CTH: variants seen among roughly 807,000 people sequenced by gnomAD.
CTH encodes cystathionase (cystathionine gamma-lyase).
A neutral mutation model predicts 50.6 loss-of-function variants in CTH; 41 were observed. The observed-to-expected ratio is 0.81, with a 90% CI of 0.63 to 1.05. The LOEUF is 1.05. Ranked by LOEUF, CTH falls within the 50% of genes least tolerant of loss-of-function variation. The pLI, the probability that CTH is intolerant of heterozygous loss-of-function variation, is 0.00. For synonymous variants in CTH, 156 were observed against 168.9 expected (o/e 0.92, Z 0.59); for missense variants, 470 against 492.6 (o/e 0.95, Z 0.43).
At chr1:70,414,695 G>T (rs1275924669) in intron 1 of CTH, among the ~76,000 whole-genome samples, 9 of 152,128 alleles carry the variant, frequency 5.9e-5, no homozygotes, top group African/African-American at 2.2e-4. Flanking sequence ...TTCACAATCC[G>T]GTTTTGACAC....
intron 5 of CTH, among the ~76,000 whole-genome samples, chr1:70,426,590 T>C (rs1684351166): frequency 6.6e-6 from 1 of 152,248 alleles, no homozygotes. Context: ...TTTCCTTTCC[T>C]GAAGCACACT....
Position 70,434,072 on chromosome 1 carries a change from T to C in CTH, c.999+123T>C, listed in dbSNP as rs561318537. On this transcript the variant is annotated intron_variant, in intron 9 of 11. Transcript: ENST00000370938. ...TGCAGGTTACACTCATAAACCTCTTTATCATGAAATGCATTGGGTTGAAAA... is the reference window on the plus strand; with the variant it reads ...TGCAGGTTACACTCATAAACCTCTTCATCATGAAATGCATTGGGTTGAAAA... 5.6e-5 allele frequency: 84 copies of C among 1,505,458 alleles called. No individual in the cohort carries two copies. In the African/African-American group the frequency reaches 8.4e-4, roughly 15 times the overall value. 93.3% of individuals were successfully genotyped at this position (1,505,458 alleles called of 1,614,324 possible). A position where few individuals can be genotyped will look rare whatever the true frequency, so the allele number is the denominator to read the frequency against.
intron 1 of CTH, 136 bp downstream of exon 1, chr1:70,411,719 A>G: frequency 7.0e-7 from 1 of 1,434,920 alleles, no homozygotes. Context: ...TCTACACTGT[A>G]ATTCTTGCAG....
chr1:70,429,242 A>T (rs1684412925), intron 5 of CTH, among the ~76,000 whole-genome samples: 1 of 152,214 alleles, frequency 6.6e-6, no homozygotes, highest in Non-Finnish European at 1.5e-5. Flanking sequence ...TTTTTTACCC[A>T]TGGTTGGTTG....
rs745821907 is a variant in CTH at position 70,422,358 on chromosome 1, G to A, written c.456+683G>A. 1.3e-5 allele frequency among the ~76,000 whole-genome samples: 2 copies of A among 152,186 alleles called. 1 individual carries two copies. Among genetic ancestry groups the A allele is most frequent in the Admixed American group, 1.3e-4 (2 of 15,278 alleles). ...TTTCTTGGGACCTTATTTAAATTCT[G>A]TGTGGATAAAAGAAGGACCAGTGTC... On this transcript the variant is annotated intron_variant, in intron 4 of 11. Transcript: ENST00000370938.
chr1:70,411,270 C>G lies in CTH; in HGVS notation c.-146C>G, dbSNP rs901518751. 10 of 820,230 alleles carry G rather than the reference C, an allele frequency of 1.2e-5. No individual in the cohort carries two copies. The highest frequency in any genetic ancestry group is 4.0e-5 in the South Asian group (3 of 74,362). 50.8% of individuals were successfully genotyped at this position (820,230 alleles called of 1,614,324 possible). A position where few individuals can be genotyped will look rare whatever the true frequency, so the allele number is the denominator to read the frequency against. ...ATCCACCCCAACAATCGCTGTGTGCCGCTTTAGTGCGCTCGCCGTCGGCTC... is the reference window on the plus strand; with the variant it reads ...ATCCACCCCAACAATCGCTGTGTGCGGCTTTAGTGCGCTCGCCGTCGGCTC... On this transcript the variant is annotated 5_prime_UTR_variant, in exon 1 of 12. Coordinates refer to ENST00000370938, the MANE Select transcript of CTH (RefSeq NM_001902.6).
intron 5 of CTH, 27 bp downstream of exon 5, chr1:70,424,443 C>T (rs1684301180): frequency 6.2e-7 from 1 of 1,613,014 alleles, no homozygotes; most frequent in Admixed American, 1.7e-5. Context: ...TTTTTTGGCA[C>T]AATTAGTAGA....
chr1:70,430,848 A>T (rs892563296), intron 7 of CTH: 3 of 151,118 alleles, frequency 2.0e-5, no homozygotes, highest in East Asian at 4.0e-4. Flanking sequence ...TGGCCAAAAA[A>T]ATTTTTTCTG....
At chr1:70,420,529 C>T (rs938731839) in intron 3 of CTH, among the ~76,000 whole-genome samples, 8 of 152,140 alleles carry the variant, frequency 5.3e-5, no homozygotes, top group Non-Finnish European at 1.2e-4. Context: ...TGACAGGAGA[C>T]TGAGCTCAGG....
chr1:70,434,030 G>C (rs1684542651), intron 9 of CTH, 81 bp downstream of exon 9: 1 of 1,592,360 alleles, frequency 6.3e-7, no homozygotes, highest in Non-Finnish European at 8.5e-7. Flanking sequence ...ACTCAAGCCA[G>C]ATAATGTTTT....
At chr1:70,432,669 G>A (rs929169026) in intron 8 of CTH, among the ~76,000 whole-genome samples, 23 of 142,166 alleles carry the variant, frequency 1.6e-4, no homozygotes, top group African/African-American at 5.3e-4. Context: ...TTCCCCTGAG[G>A]TTCTCTCTCT....
intron 1 of CTH, among the ~76,000 whole-genome samples, chr1:70,415,370 C>T (rs1436689585): frequency 6.6e-6 from 1 of 151,944 alleles, no homozygotes; most frequent in Non-Finnish European, 1.5e-5. Context: ...CCCCACCGTA[C>T]TCTAGCCTGG....
intron 8 of CTH, among the ~76,000 whole-genome samples, chr1:70,432,622 G>T (rs941444337): frequency 1.3e-5 from 2 of 151,038 alleles, no homozygotes; most frequent in Non-Finnish European, 2.9e-5. Flanking sequence ...TCTGATAGAG[G>T]TTTGTCCCAG....
intron 1 of CTH, among the ~76,000 whole-genome samples, chr1:70,413,266 T>A (rs955399511): frequency 1.3e-5 from 2 of 151,546 alleles, no homozygotes; most frequent in African/African-American, 2.4e-5. Context: ...TTTCTTTTTT[T>A]TTTTTTTTTA....
At chr1:70,433,196 T>A (rs1251264692) in intron 8 of CTH, among the ~76,000 whole-genome samples, 2 of 152,196 alleles carry the variant, frequency 1.3e-5, no homozygotes, top group Non-Finnish European at 2.9e-5. Flanking sequence ...AAATTAAGAC[T>A]GGAATTTCAC....
At chr1:70,434,834 C>T (rs1415848792) in intron 9 of CTH, 2 of 291,116 alleles carry the variant, frequency 6.9e-6, no homozygotes, top group Non-Finnish European at 1.3e-5. Flanking sequence ...CTCACTGCAA[C>T]CTCCACCTCC....
Position 70,416,055 on chromosome 1 carries a change from C to T in CTH, c.250+18C>T. 2 of 1,353,588 alleles carry T rather than the reference C, an allele frequency of 1.5e-6. No individual in the cohort carries two copies. The highest frequency in any genetic ancestry group is 2.1e-6 in the Non-Finnish European group (2 of 942,188). The allele number at this position is 1,353,588 out of a possible 1,614,324, so 83.8% of individuals were successfully genotyped here. On this transcript the variant is annotated intron_variant, in intron 2 of 11. Coordinates refer to ENST00000370938, the MANE Select transcript of CTH (RefSeq NM_001902.6). Reference sequence around the variant, plus strand: ...TAAGTACTGTAAGTAATTTCCATTTCACAGTCTAGAATCTATTTTTAAATG... The same window carrying T: ...TAAGTACTGTAAGTAATTTCCATTTTACAGTCTAGAATCTATTTTTAAATG...
chr1:70,436,063 C>T (rs2101760336), intron 10 of CTH, among the ~76,000 whole-genome samples: 2 of 152,168 alleles, frequency 1.3e-5, no homozygotes, highest in Middle Eastern at 3.4e-3. Context: ...GCCTGCAATT[C>T]CAGTACTTTG....
Position 70,433,220 on chromosome 1 carries a change from A to G in CTH, c.878-608A>G, listed in dbSNP as rs991942016. On this transcript the variant is annotated intron_variant, in intron 8 of 11. Transcript: ENST00000370938. ...CTGGAATTTCACTAGGAAATTCACA[A>G]GGAATTTAGAGAAACCAAAGCGAAA... is the stretch of plus-strand genomic sequence containing the variant. Among the ~76,000 whole-genome samples the G allele has an allele frequency of 2.0e-5, 3 of 152,224 alleles. No homozygotes were observed. The East Asian group carries it at 5.8e-4, about 29-fold the overall frequency.
Sources: allele counts gnomAD v4.1 joint callset (sites outside exome capture counted in the v4.1 genomes callset), GRCh38; gene constraint gnomAD v4.1.1; transcripts MANE v1.5; gene names NCBI Gene and HGNC (gene_info 2026-07-23, HGNC 2026-07-21).